The following SH3PXD2A variants were observed in gnomAD, a reference collection of about 807,000 sequenced individuals.
The protein encoded by SH3PXD2A is SH3 and PX domain-containing protein 2A.
In SH3PXD2A, 32 loss-of-function variants were observed where a neutral mutation model predicts 115.2. The ratio of observed to expected loss-of-function variants is 0.28; its 90% CI spans 0.21 to 0.37. SH3PXD2A has a LOEUF of 0.37. Ranked by LOEUF, SH3PXD2A falls within the 10% of genes least tolerant of loss-of-function variation. The pLI is 1.00. For missense variants in SH3PXD2A, 1,328 were observed against 1,498.7 expected (o/e 0.89, Z 1.88); for synonymous variants, 610 against 629.1 (o/e 0.97, Z 0.45).
chr10:103,696,088 C>T (rs1401801620), intron 5 of SH3PXD2A, among the ~76,000 whole-genome samples: 3 of 152,152 alleles, frequency 2.0e-5, no homozygotes, highest in Non-Finnish European at 4.4e-5. Context: ...AGGCAGAGCC[C>T]AGAGGGCCTG....
intron 4 of SH3PXD2A, among the ~76,000 whole-genome samples, chr10:103,733,962 A>T (rs2038352546): frequency 6.6e-6 from 1 of 151,802 alleles, no homozygotes; most frequent in African/African-American, 2.4e-5. Flanking sequence ...TCGTTATGCT[A>T]CCCAGGCTGG....
At chr10:103,770,984 G>T (rs2038813218) in intron 2 of SH3PXD2A, among the ~76,000 whole-genome samples, 1 of 152,178 alleles carries the variant, frequency 6.6e-6, no homozygotes, top group Admixed American at 6.5e-5. Context: ...AGAAGAATGA[G>T]AATTCATAAA....
chr10:103,765,462 C>T lies in SH3PXD2A; in HGVS notation c.229+1632G>A, dbSNP rs75501775. Among the ~76,000 whole-genome samples the T allele has an allele frequency of 0.027, 4,155 of 152,266 alleles. 283 individuals carry two copies. In the East Asian group the frequency reaches 0.29, roughly 11 times the overall value. On this transcript the variant is annotated intron_variant, in intron 3 of 14. Transcript: ENST00000369774. ...CTTCTCTCCACTAGCCTGAGCGTTC[C>T]GTAGATGAGGAAAACAAATTCAGAT...
intron 6 of SH3PXD2A, among the ~76,000 whole-genome samples, chr10:103,672,772 G>C (rs912748303): frequency 2.6e-5 from 4 of 152,194 alleles, no homozygotes; most frequent in Non-Finnish European, 1.5e-5. Flanking sequence ...TTAGGCCTCT[G>C]GACACAAAGA....
chr10:103,798,416 C>A (rs541968089), intron 2 of SH3PXD2A, among the ~76,000 whole-genome samples: 1 of 152,306 alleles, frequency 6.6e-6, no homozygotes, highest in Non-Finnish European at 1.5e-5. Flanking sequence ...CTCAAGTGAT[C>A]GTCCCACCTC....
intron 5 of SH3PXD2A, among the ~76,000 whole-genome samples, chr10:103,708,203 C>T (rs1029154414): frequency 6.6e-6 from 1 of 152,214 alleles, no homozygotes; most frequent in Non-Finnish European, 1.5e-5. Context: ...TGGCGCCGAC[C>T]TCAGGCCTTG....
intron 13 of SH3PXD2A, among the ~76,000 whole-genome samples, chr10:103,606,776 C>T (rs1162760044): frequency 3.3e-5 from 5 of 152,352 alleles, no homozygotes; most frequent in South Asian, 2.1e-4. Flanking sequence ...GGATTGCAGA[C>T]GGAGTCTCGT....
rs2036125858 is a variant in SH3PXD2A at position 103,595,889 on chromosome 10, A to C, written c.*5927T>G. 1 of 152,524 alleles carries C rather than the reference A, an allele frequency of 6.6e-6. No individual in the cohort carries two copies. The highest frequency in any genetic ancestry group is 1.5e-5 in the Non-Finnish European group (1 of 68,014). 9.4% of individuals were successfully genotyped at this position (152,524 alleles called of 1,614,324 possible). A position where few individuals can be genotyped will look rare whatever the true frequency, so the allele number is the denominator to read the frequency against. On this transcript the variant is annotated 3_prime_UTR_variant, in exon 15 of 15. Transcript: ENST00000369774. ...CTGGGGACCCAGGTTTGCAGGAGGGAAGTTAACAGTGGGGCTGTTTTTCCC... is the reference window on the plus strand; with the variant it reads ...CTGGGGACCCAGGTTTGCAGGAGGGCAGTTAACAGTGGGGCTGTTTTTCCC...
In SH3PXD2A at chr10:103,853,837, A is replaced by G. The variant is rs1483015532; in HGVS notation, c.72+1358T>C. Among the ~76,000 whole-genome samples, 4 of 152,224 alleles carry G rather than the reference A, an allele frequency of 2.6e-5. No homozygotes were observed. The East Asian group carries it at 7.7e-4, about 29-fold the overall frequency. ...GAAAAATAAACCCTGGGATATACAA[A>G]GGGACATCTGTCCACAGAGCAGGTT... On this transcript the variant is annotated intron_variant, in intron 1 of 14. Transcript: ENST00000369774.
chr10:103,605,306 A>G (rs2036283507), intron 14 of SH3PXD2A, among the ~76,000 whole-genome samples: 2 of 152,162 alleles, frequency 1.3e-5, no homozygotes, highest in Admixed American at 1.3e-4. Flanking sequence ...ACACTTCCTG[A>G]TGTGGCTTCT....
chr10:103,774,611 A>C (rs955410159), intron 2 of SH3PXD2A, among the ~76,000 whole-genome samples: 3 of 152,160 alleles, frequency 2.0e-5, no homozygotes, highest in African/African-American at 7.2e-5. Flanking sequence ...ATTGTGGCTA[A>C]TATGCTGTAG....
chr10:103,847,455 A>G (rs964502885), intron 1 of SH3PXD2A, among the ~76,000 whole-genome samples: 20 of 152,090 alleles, frequency 1.3e-4, no homozygotes, highest in Non-Finnish European at 2.6e-4. Flanking sequence ...CTGGAACTAC[A>G]GGCGCATGCC....
intron 5 of SH3PXD2A, among the ~76,000 whole-genome samples, chr10:103,710,078 G>C (rs2038029609): frequency 1.4e-5 from 2 of 146,360 alleles, no homozygotes; most frequent in African/African-American, 5.1e-5. Context: ...CTGGGTGACA[G>C]AGCAAGACTC....
At chr10:103,738,795 C>G (rs2038409638) in intron 3 of SH3PXD2A, among the ~76,000 whole-genome samples, 1 of 146,520 alleles carries the variant, frequency 6.8e-6, no homozygotes, top group Non-Finnish European at 1.5e-5. Context: ...ACAGAACTCT[C>G]TTTTTTTTTT....
intron 4 of SH3PXD2A, among the ~76,000 whole-genome samples, chr10:103,731,141 C>A (rs138661365): frequency 2.0e-5 from 3 of 151,770 alleles, no homozygotes; most frequent in Non-Finnish European, 4.4e-5. Flanking sequence ...GGCAGCAGGA[C>A]TCCTCTGAAG....
chr10:103,617,176 C>T, intron 11 of SH3PXD2A, 21 bp downstream of exon 11: 1 of 1,552,266 alleles, frequency 6.4e-7, no homozygotes, highest in Non-Finnish European at 8.9e-7. Flanking sequence ...GCATCTCGTT[C>T]ATAATGTAAG....
intron 8 of SH3PXD2A, among the ~76,000 whole-genome samples, chr10:103,638,367 C>G (rs2036898301): frequency 6.6e-6 from 1 of 152,252 alleles, no homozygotes; most frequent in African/African-American, 2.4e-5. Context: ...GCCTGCCCAC[C>G]TCACCGAACA....
chr10:103,739,528 A>G (rs2038420183), intron 3 of SH3PXD2A, among the ~76,000 whole-genome samples: 1 of 151,838 alleles, frequency 6.6e-6, no homozygotes, highest in Admixed American at 6.6e-5. Flanking sequence ...TCCAAACCAC[A>G]CTCTGAAAGC....
chr10:103,622,521 G>C lies in SH3PXD2A; in HGVS notation c.751C>G (p.Leu251Val). 6.4e-7 allele frequency: 1 copy of C among 1,550,414 alleles called. No individual in the cohort carries two copies. Reference sequence around the variant, plus strand: ...CCGCCCAGGGTCCACCGGCGATCCAGGCGCCGCAGATGGGCCTTGCGTCTC... The same window carrying C: ...CCGCCCAGGGTCCACCGGCGATCCACGCGCCGCAGATGGGCCTTGCGTCTC... Reference protein sequence around the residue: ...SKRRKAHLRRLDRRWTLGGMV... With the variant: ...SKRRKAHLRRVDRRWTLGGMV... Residue 251 changes from leucine (L) to valine (V), a missense_variant, in exon 10 of 15, where the codon CTG becomes GTG. Physicochemically the swap from Leu to Val is conservative, Grantham distance 32. Transcript: ENST00000369774.
Sources: allele counts gnomAD v4.1 joint callset (sites outside exome capture counted in the v4.1 genomes callset), GRCh38; gene constraint gnomAD v4.1.1; transcripts MANE v1.5; gene names NCBI Gene and HGNC (gene_info 2026-07-23, HGNC 2026-07-21).